AP3B1: variants seen among roughly 807,000 people sequenced by gnomAD.
The protein encoded by AP3B1 is adaptor related protein complex 3 subunit beta 1, also known as AP-3 complex subunit beta-1.
Under a neutral mutation model 132.5 loss-of-function variants are expected in AP3B1, and 61 were observed. That is an observed-to-expected ratio of 0.46 (90% CI 0.37 to 0.57). The LOEUF (loss-of-function observed/expected upper bound fraction) is 0.57, where lower values mean the gene tolerates loss of function less well. Ranked by LOEUF, AP3B1 falls within the 20% of genes least tolerant of loss-of-function variation. The pLI, the probability that AP3B1 is intolerant of heterozygous loss-of-function variation, is 0.00. For synonymous variants in AP3B1, 388 were observed against 438.3 expected (o/e 0.89, Z 1.43); for missense variants, 1,120 against 1,289.4 (o/e 0.87, Z 2.01).
chr5:78,250,772 AT>A (rs1019221453), intron 2 of AP3B1, among the ~76,000 whole-genome samples: 1 of 152,114 alleles, frequency 6.6e-6, no homozygotes, highest in Admixed American at 6.6e-5. Context: ...GGGATGTGGC[AT>A]TTTTTTAAAA....
intron 1 of AP3B1, among the ~76,000 whole-genome samples, chr5:78,290,340 G>C (rs959359153): frequency 1.3e-5 from 2 of 151,054 alleles, no homozygotes; most frequent in Non-Finnish European, 3.0e-5. Context: ...TCCTGCCTGG[G>C]CCTCCCAAAA....
intron 14 of AP3B1, among the ~76,000 whole-genome samples, chr5:78,146,115 C>A (rs972732815): frequency 6.6e-6 from 1 of 152,132 alleles, no homozygotes; most frequent in South Asian, 2.1e-4. Flanking sequence ...CACTTGCCTA[C>A]GTTTAGGAGT....
At chr5:78,202,790 T>C (rs1440857707) in intron 7 of AP3B1, among the ~76,000 whole-genome samples, 1 of 152,208 alleles carries the variant, frequency 6.6e-6, no homozygotes, top group African/African-American at 2.4e-5. Flanking sequence ...AATTTGTGCA[T>C]TTCACTGTGA....
intron 22 of AP3B1, among the ~76,000 whole-genome samples, chr5:78,072,712 C>CTTTTTTTT (rs34203981): frequency 2.3e-4 from 16 of 68,284 alleles, no homozygotes; most frequent in Admixed American, 5.4e-4. Flanking sequence ...CTGATATATT[C>CTTTTTTTT]TTTTTTTTTT....
intron 14 of AP3B1, among the ~76,000 whole-genome samples, chr5:78,148,743 A>T (rs1296324946): frequency 6.6e-6 from 1 of 152,170 alleles, no homozygotes; most frequent in African/African-American, 2.4e-5. Context: ...TAAAAACCAC[A>T]ATTATTTTTG....
chr5:78,058,443 T>G, intron 22 of AP3B1, among the ~76,000 whole-genome samples: 1 of 151,740 alleles, frequency 6.6e-6, no homozygotes, highest in Non-Finnish European at 1.5e-5. Context: ...GAGGTTGCAG[T>G]GAGCCGAGAC....
intron 17 of AP3B1, 37 bp from the exon 18 acceptor site, chr5:78,116,271 C>A: frequency 6.5e-7 from 1 of 1,547,900 alleles, no homozygotes; most frequent in Non-Finnish European, 8.9e-7. Context: ...AATGAATTCT[C>A]ATTCAGAGAT....
intron 17 of AP3B1, among the ~76,000 whole-genome samples, chr5:78,120,097 C>A (rs252769): frequency 0.3 from 45,831 of 151,786 alleles, 7,393 homozygotes; most frequent in Admixed American, 0.41. Context: ...ACTAAGCTTC[C>A]TAAGTGAAGG....
At chr5:78,146,262 T>C (rs893549302) in intron 14 of AP3B1, among the ~76,000 whole-genome samples, 14 of 152,352 alleles carry the variant, frequency 9.2e-5, no homozygotes, top group African/African-American at 2.9e-4. Context: ...TTTGAAGTTA[T>C]GTCTGCTACA....
At chr5:78,199,576 A>G (rs1289030034) in intron 7 of AP3B1, among the ~76,000 whole-genome samples, 1 of 152,132 alleles carries the variant, frequency 6.6e-6, no homozygotes, top group South Asian at 2.1e-4. Context: ...CTCTAAAATA[A>G]AAAGTTTATA....
At chr5:78,256,554 G>C (rs2112544518) in intron 2 of AP3B1, among the ~76,000 whole-genome samples, 1 of 152,134 alleles carries the variant, frequency 6.6e-6, no homozygotes, top group Admixed American at 6.5e-5. Context: ...GAAAAGCCCA[G>C]GACCCGATAG....
At chr5:78,150,652 T>C (rs1356460601) in intron 14 of AP3B1, among the ~76,000 whole-genome samples, 4 of 152,172 alleles carry the variant, frequency 2.6e-5, no homozygotes, top group African/African-American at 9.7e-5. Flanking sequence ...AATAATACTA[T>C]ATTGTAGGTC....
intron 1 of AP3B1, among the ~76,000 whole-genome samples, chr5:78,284,203 T>A (rs1225938664): frequency 6.6e-6 from 1 of 152,248 alleles, no homozygotes; most frequent in African/African-American, 2.4e-5. Flanking sequence ...AAATTAAATT[T>A]AAATAGCTAC....
chr5:78,256,413 T>G (rs1580552339), intron 2 of AP3B1, among the ~76,000 whole-genome samples: 3 of 151,868 alleles, frequency 2.0e-5, no homozygotes, highest in African/African-American at 2.4e-5. Flanking sequence ...AATTGGAAAA[T>G]CTAGAAGAAA....
chr5:78,141,624 T>C (rs1369770087), intron 14 of AP3B1, among the ~76,000 whole-genome samples: 1 of 152,206 alleles, frequency 6.6e-6, no homozygotes, highest in African/African-American at 2.4e-5. Flanking sequence ...TGCCCATACC[T>C]ATTTGTTTCT....
chr5:78,034,411 T>C lies in AP3B1; in HGVS notation c.2844A>G (p.Ser948=), dbSNP rs199910628. ...SLEPEGSITV[S]MGIDFCDSTQ... is the part of the protein sequence containing the mutation. ...TAGAATCACAAAAGTCAATACCCAT[T>C]GAAACTGTAATGGATCCCTCAGGCT... Residue 948 remains serine, a synonymous_variant, in exon 24 of 27, where the codon TCA becomes TCG. Transcript: ENST00000255194. 1 of 1,612,094 alleles carries C rather than the reference T, an allele frequency of 6.2e-7. No homozygotes were observed. Among genetic ancestry groups the C allele is most frequent in the East Asian group, 2.2e-5 (1 of 44,772 alleles).
At chr5:78,072,499 GC>G (rs1354759820) in intron 22 of AP3B1, among the ~76,000 whole-genome samples, 3 of 152,002 alleles carry the variant, frequency 2.0e-5, no homozygotes, top group Admixed American at 1.3e-4. Flanking sequence ...ATTGGAATTT[GC>G]TGAAATTTTC....
chr5:78,253,763 G>A (rs778899661), intron 2 of AP3B1, among the ~76,000 whole-genome samples: 12 of 151,920 alleles, frequency 7.9e-5, no homozygotes, highest in Non-Finnish European at 1.3e-4. Context: ...TCAGGAGATC[G>A]AGACCATCCT....
At chr5:78,237,681 C>T (rs1746937906) in intron 3 of AP3B1, among the ~76,000 whole-genome samples, 1 of 152,004 alleles carries the variant, frequency 6.6e-6, no homozygotes, top group African/African-American at 2.4e-5. Context: ...GGCATGGTGA[C>T]ACAAGCCTGT....
Sources: allele counts gnomAD v4.1 joint callset (sites outside exome capture counted in the v4.1 genomes callset), GRCh38; gene constraint gnomAD v4.1.1; transcripts MANE v1.5; gene names NCBI Gene and HGNC (gene_info 2026-07-23, HGNC 2026-07-21).